The following LAMA1 variants were observed in gnomAD, a reference collection of about 807,000 sequenced individuals.
The protein encoded by LAMA1 is laminin subunit alpha-1.
A neutral mutation model predicts 348.7 loss-of-function variants in LAMA1; 219 were observed. That is an observed-to-expected ratio of 0.63 (90% CI 0.56 to 0.70). The LOEUF is 0.70. LAMA1 is among the 30% of genes least tolerant of loss of function. LAMA1 has a pLI of 0.00. For missense variants in LAMA1, 3,744 were observed against 3,888.0 expected (o/e 0.96, Z 0.99); for synonymous variants, 1,487 against 1,491.0 (o/e 1.00, Z 0.06).
At chr18:6,956,387 T>TTA (rs1458737526) in intron 56 of LAMA1, 1 of 659,138 alleles carries the variant, frequency 1.5e-6, no homozygotes, top group African/African-American at 1.8e-5. Context: ...CAAAAGCATA[T>TTA]TATACATCAG....
At chr18:7,045,057 G>T (rs190050210) in intron 6 of LAMA1, among the ~76,000 whole-genome samples, 201 of 152,018 alleles carry the variant, frequency 1.3e-3, no homozygotes, top group Non-Finnish European at 2.2e-3. Context: ...AGCAAAACCA[G>T]AATACGACTT....
At chr18:6,971,684 T>C (rs985370427) in intron 48 of LAMA1, among the ~76,000 whole-genome samples, 173 bp downstream of exon 48, 1 of 152,162 alleles carries the variant, frequency 6.6e-6, no homozygotes, top group Non-Finnish European at 1.5e-5. Flanking sequence ...TCACAGGATT[T>C]TTTTTTGACA....
chr18:7,098,681 G>C (rs1284181568), intron 1 of LAMA1, among the ~76,000 whole-genome samples: 1 of 149,958 alleles, frequency 6.7e-6, no homozygotes, highest in Non-Finnish European at 1.5e-5. Context: ...AGTGAGGAGC[G>C]TCTCCGCCCG....
At chr18:7,089,105 G>A (rs1334825664) in intron 1 of LAMA1, among the ~76,000 whole-genome samples, 1 of 152,134 alleles carries the variant, frequency 6.6e-6, no homozygotes, top group Admixed American at 6.5e-5. Flanking sequence ...AGGGGCCAGG[G>A]TGGTGGCTCA....
chr18:7,116,702 G>C (rs982200099), intron 1 of LAMA1, among the ~76,000 whole-genome samples: 14 of 152,172 alleles, frequency 9.2e-5, no homozygotes, highest in Non-Finnish European at 1.5e-4. Context: ...TAGCCAACAC[G>C]AAGCCACGCT....
intron 14 of LAMA1, among the ~76,000 whole-genome samples, chr18:7,033,641 T>G (rs1055561307): frequency 2.6e-5 from 4 of 152,170 alleles, no homozygotes; most frequent in Non-Finnish European, 1.5e-5. Context: ...GTTGCCTATT[T>G]GGAGTTGAAG....
chr18:7,067,410 A>C (rs751823540), intron 3 of LAMA1, among the ~76,000 whole-genome samples: 2 of 152,124 alleles, frequency 1.3e-5, no homozygotes, highest in African/African-American at 2.4e-5. Context: ...AGACACAAAA[A>C]AGGACGCACT....
chr18:7,085,568 G>A (rs1456873279), intron 1 of LAMA1, among the ~76,000 whole-genome samples: 7 of 151,672 alleles, frequency 4.6e-5, no homozygotes, highest in South Asian at 2.1e-4. Flanking sequence ...ATAGGCACCC[G>A]CCACCAAGCC....
intron 1 of LAMA1, among the ~76,000 whole-genome samples, chr18:7,097,849 CT>C (rs2058268697): frequency 6.6e-6 from 1 of 151,334 alleles, no homozygotes; most frequent in African/African-American, 2.4e-5. Flanking sequence ...CCCCTCTCCC[CT>C]CTCCCCTCTC....
At chr18:6,948,377 C>A (rs760129512) in intron 60 of LAMA1, 26 bp downstream of exon 60, 2 of 1,614,050 alleles carry the variant, frequency 1.2e-6, no homozygotes, top group Non-Finnish European at 1.7e-6. Context: ...TCGGGGACTG[C>A]CTTCGAGAGT....
intron 3 of LAMA1, among the ~76,000 whole-genome samples, chr18:7,052,570 C>CA (rs1314828791): frequency 6.6e-6 from 1 of 151,518 alleles, no homozygotes; most frequent in Non-Finnish European, 1.5e-5. Flanking sequence ...CTACTAAATA[C>CA]AAAAAAATTA....
intron 3 of LAMA1, among the ~76,000 whole-genome samples, chr18:7,064,102 A>G (rs935065909): frequency 6.6e-6 from 1 of 152,050 alleles, no homozygotes; most frequent in Non-Finnish European, 1.5e-5. Context: ...AAGGGTGTCA[A>G]GCCCCCATTC....
intron 2 of LAMA1, 41 bp from the exon 3 acceptor site, chr18:7,080,128 T>C: frequency 6.3e-7 from 1 of 1,577,794 alleles, no homozygotes; most frequent in Non-Finnish European, 8.7e-7. Context: ...CTCTCGGCTG[T>C]TGCTTTAAAT....
At chr18:6,977,906 G>T in intron 43 of LAMA1, 25 bp from the exon 44 acceptor site, 1 of 1,607,854 alleles carries the variant, frequency 6.2e-7, no homozygotes, top group Non-Finnish European at 8.5e-7. Context: ...AAGGCAAGGG[G>T]TGGCAAGAAA....
At chr18:6,962,081 C>T in intron 51 of LAMA1, 22 bp from the exon 52 acceptor site, 1 of 1,567,728 alleles carries the variant, frequency 6.4e-7, no homozygotes, top group Non-Finnish European at 8.8e-7. Flanking sequence ...GGCATGAGAA[C>T]AATCACAAAA....
In LAMA1 at chr18:7,046,371, A is replaced by C. The variant is rs766078426; in HGVS notation, c.769-4T>G. On this transcript the variant is annotated splice_region_variant and splice_polypyrimidine_tract_variant and intron_variant, in intron 5 of 62. Coordinates refer to ENST00000389658, the MANE Select transcript of LAMA1 (RefSeq NM_005559.4). ...TGTCCTTTATTGAATAATAATACTA[A>C]GGAAAAAGAAAGTTATGAACAAAAA... 8 of 1,558,506 alleles carry C rather than the reference A, an allele frequency of 5.1e-6. No individual in the cohort carries two copies. The Admixed American group carries it at 1.0e-4, about 20-fold the overall frequency.
chr18:6,971,453 T>C (rs945682376), intron 48 of LAMA1, among the ~76,000 whole-genome samples: 1 of 152,152 alleles, frequency 6.6e-6, no homozygotes, highest in South Asian at 2.1e-4. Context: ...AAAGATTTGG[T>C]TGTGGCTCTC....
chr18:7,095,148 CTCTCTCT>C (rs2058255991), intron 1 of LAMA1, among the ~76,000 whole-genome samples: 4 of 128,632 alleles, frequency 3.1e-5, no homozygotes, highest in Admixed American at 8.5e-5. Context: ...CTCTCTCTCT[CTCTCTCT>C]CTCCTCTGCT....
intron 34 of LAMA1, among the ~76,000 whole-genome samples, chr18:6,994,443 A>G (rs1319071591): frequency 1.3e-5 from 2 of 152,258 alleles, no homozygotes; most frequent in African/African-American, 4.8e-5. Context: ...AGTCAAGACC[A>G]AAGAGAATAA....
Sources: allele counts gnomAD v4.1 joint callset (sites outside exome capture counted in the v4.1 genomes callset), GRCh38; gene constraint gnomAD v4.1.1; transcripts MANE v1.5; gene names NCBI Gene and HGNC (gene_info 2026-07-23, HGNC 2026-07-21).